The following GPC6 variants were observed in gnomAD, a reference collection of about 807,000 sequenced individuals.
GPC6 encodes the protein glypican 6, also known as glypican-6.
In GPC6, 14 loss-of-function variants were observed where a neutral mutation model predicts 55.2. The ratio of observed to expected loss-of-function variants is 0.25; its 90% CI spans 0.17 to 0.40. The LOEUF is 0.40. Among genes scored for constraint, GPC6 ranks in the 10% least tolerant of loss-of-function variants. The pLI, the probability that GPC6 is intolerant of heterozygous loss-of-function variation, is 1.00. For missense variants in GPC6, 641 were observed against 708.5 expected, an observed-to-expected ratio of 0.90 and a Z score of 1.08; for synonymous variants, 278 against 259.6, an observed-to-expected ratio of 1.07 and a Z score of -0.68.
chr13:93,448,210 C>T (rs890025650), intron 1 of GPC6, among the ~76,000 whole-genome samples: 1 of 152,086 alleles, frequency 6.6e-6, no homozygotes, highest in African/African-American at 2.4e-5. Context: ...TGATGATGGT[C>T]CCAGATGATT....
intron 2 of GPC6, among the ~76,000 whole-genome samples, chr13:93,591,792 A>G (rs1877502106): frequency 6.6e-6 from 1 of 152,176 alleles, no homozygotes; most frequent in African/African-American, 2.4e-5. Context: ...GTAACTTCCC[A>G]TCAGTTTGGA....
intron 4 of GPC6, among the ~76,000 whole-genome samples, chr13:94,030,094 C>T (rs1276224868): frequency 6.6e-6 from 1 of 151,866 alleles, no homozygotes; most frequent in Non-Finnish European, 1.5e-5. Flanking sequence ...GCTCCGCCTC[C>T]CGGGTTCATG....
chr13:94,305,284 A>G (rs1194863677), intron 5 of GPC6, among the ~76,000 whole-genome samples: 3 of 152,226 alleles, frequency 2.0e-5, no homozygotes, highest in East Asian at 1.9e-4. Flanking sequence ...CAACCAATCA[A>G]TATGTAGCCT....
At chr13:93,802,809 TA>T (rs1886420389) in intron 2 of GPC6, among the ~76,000 whole-genome samples, 4 of 152,174 alleles carry the variant, frequency 2.6e-5, no homozygotes, top group Non-Finnish European at 5.9e-5. Flanking sequence ...TGAAGCAGAC[TA>T]GAGAAACACC....
chr13:94,039,189 A>T (rs1329849892), intron 4 of GPC6, among the ~76,000 whole-genome samples: 1 of 151,998 alleles, frequency 6.6e-6, no homozygotes, highest in Non-Finnish European at 1.5e-5. Context: ...GCAGAATTGG[A>T]CAGTGGAAGC....
intron 4 of GPC6, among the ~76,000 whole-genome samples, chr13:94,177,938 T>A (rs2138941563): frequency 6.6e-6 from 1 of 152,256 alleles, no homozygotes; most frequent in African/African-American, 2.4e-5. Context: ...CAAATTTTCA[T>A]GTTTTTTTCT....
chr13:94,274,862 G>C (rs1892154186), intron 4 of GPC6, among the ~76,000 whole-genome samples: 1 of 151,588 alleles, frequency 6.6e-6, no homozygotes, highest in Non-Finnish European at 1.5e-5. Flanking sequence ...TAATAAAAAA[G>C]TACAATAAGA....
At chr13:93,706,891 TG>T (rs1882864945) in intron 2 of GPC6, among the ~76,000 whole-genome samples, 1 of 151,844 alleles carries the variant, frequency 6.6e-6, no homozygotes, top group Non-Finnish European at 1.5e-5. Flanking sequence ...ATATGAACAA[TG>T]GTCCTTCAGA....
Position 94,272,531 on chromosome 13 carries a change from C to T in GPC6, c.878-13818C>T, listed in dbSNP as rs1226114307. ...TTGCCCAGGCTGGAGTGCAGTGGTG[C>T]CATCTCAGCTCACTGCAAGCTCCGC... is the stretch of plus-strand genomic sequence containing the variant. On this transcript the variant is annotated intron_variant, in intron 4 of 8. Transcript: ENST00000377047. 1.4e-4 allele frequency among the ~76,000 whole-genome samples: 19 copies of T among 137,082 alleles called. No individual in the cohort carries two copies. The East Asian group carries it at 1.7e-3, about 13-fold the overall frequency. The allele number at this position is 137,082 out of a possible 152,430, so 89.9% of individuals were successfully genotyped here.
At chr13:93,312,585 CAT>C (rs1249513792) in intron 1 of GPC6, among the ~76,000 whole-genome samples, 1 of 152,024 alleles carries the variant, frequency 6.6e-6, no homozygotes, top group African/African-American at 2.4e-5. Context: ...AGTGTTCTTC[CAT>C]CATTAGATGA....
At chr13:93,854,345 A>G (rs1223918382) in intron 3 of GPC6, among the ~76,000 whole-genome samples, 1 of 151,646 alleles carries the variant, frequency 6.6e-6, no homozygotes, top group Non-Finnish European at 1.5e-5. Flanking sequence ...TTTTTTCACG[A>G]TAGTAGTATT....
rs186213133 is a variant in GPC6, at chr13:93,421,839, C to A, written c.161-123424C>A. Among the ~76,000 whole-genome samples, 590 of 152,202 alleles carry A rather than the reference C, an allele frequency of 3.9e-3. 10 individuals are homozygous for A. Among genetic ancestry groups the A allele is most frequent in the Admixed American group, 0.036 (556 of 15,272 alleles). Reference sequence around the variant, plus strand: ...ATTAGCTTGAAGACCTGTTCCAGAACTGTTATTAAAGTGGATGCTAAGTGG... The same window carrying A: ...ATTAGCTTGAAGACCTGTTCCAGAAATGTTATTAAAGTGGATGCTAAGTGG... On this transcript the variant is annotated intron_variant, in intron 1 of 8. Coordinates refer to ENST00000377047, the MANE Select transcript of GPC6 (RefSeq NM_005708.5).
At chr13:93,829,056 T>C (rs995855439) in intron 2 of GPC6, among the ~76,000 whole-genome samples, 2 of 152,150 alleles carry the variant, frequency 1.3e-5, no homozygotes, top group Admixed American at 1.3e-4. Flanking sequence ...CAGGACTTGA[T>C]TTGTCCCTGC....
chr13:94,002,086 C>G (rs1407725503), intron 3 of GPC6, among the ~76,000 whole-genome samples: 1 of 151,958 alleles, frequency 6.6e-6, no homozygotes, highest in Non-Finnish European at 1.5e-5. Flanking sequence ...AGTTGGCTCC[C>G]AGTTCCTTGA....
intron 1 of GPC6, among the ~76,000 whole-genome samples, chr13:93,419,672 G>A (rs1876851230): frequency 6.6e-6 from 1 of 152,112 alleles, no homozygotes; most frequent in Non-Finnish European, 1.5e-5. Flanking sequence ...CCTCCTATTA[G>A]CAACAGTTCT....
At chr13:93,753,164 AC>A (rs1448037160) in intron 2 of GPC6, among the ~76,000 whole-genome samples, 3 of 152,094 alleles carry the variant, frequency 2.0e-5, no homozygotes, top group African/African-American at 7.2e-5. Context: ...ACAGTAAGAG[AC>A]CCTGTTACTT....
intron 1 of GPC6, among the ~76,000 whole-genome samples, chr13:93,453,065 G>T (rs1032935471): frequency 3.3e-5 from 5 of 152,160 alleles, no homozygotes; most frequent in Admixed American, 6.5e-5. Flanking sequence ...AGCTCTATTT[G>T]CATGGGCTTA....
intron 2 of GPC6, among the ~76,000 whole-genome samples, chr13:93,763,538 C>T (rs1885018615): frequency 6.6e-6 from 1 of 152,178 alleles, no homozygotes; most frequent in Non-Finnish European, 1.5e-5. Context: ...AGGCATCATT[C>T]AAGGAGTTCT....
chr13:93,396,319 A>G (rs1370744401), intron 1 of GPC6, among the ~76,000 whole-genome samples: 2 of 152,142 alleles, frequency 1.3e-5, no homozygotes, highest in African/African-American at 4.8e-5. Flanking sequence ...AATCCCAGCA[A>G]TTTTGGAGGC....
Sources: gnomAD v4.1 joint callset for allele counts (sites outside exome capture counted in the v4.1 genomes callset) on GRCh38, gnomAD v4.1.1 for gene constraint, MANE v1.5 for transcripts, NCBI Gene and HGNC (gene_info 2026-07-23, HGNC 2026-07-21) for gene names.